Variants in HMCN1 observed in about 807,000 individuals in gnomAD.
The protein encoded by HMCN1 is hemicentin-1.
Under a neutral mutation model 625.9 loss-of-function variants are expected in HMCN1, and 321 were observed. That is an observed-to-expected ratio of 0.51 (90% CI 0.47 to 0.56). HMCN1 has a LOEUF of 0.56. Ranked by LOEUF, HMCN1 falls within the 20% of genes least tolerant of loss-of-function variation. HMCN1 has a pLI of 0.00. For synonymous variants in HMCN1, 2,425 were observed against 2,417.6 expected, an observed-to-expected ratio of 1.00 and a Z score of -0.09; for missense variants, 6,588 against 6,887.3, an observed-to-expected ratio of 0.96 and a Z score of 1.54.
intron 4 of HMCN1, among the ~76,000 whole-genome samples, chr1:185,890,585 G>A (rs1430525021): frequency 7.1e-6 from 1 of 139,934 alleles, no homozygotes; most frequent in African/African-American, 3.1e-5. Flanking sequence ...AGTCATTCAG[G>A]AGCAGGTTGT....
intron 37 of HMCN1, 27 bp from the exon 38 acceptor site, chr1:186,038,802 G>A (rs764292732): frequency 1.4e-5 from 21 of 1,481,450 alleles, no homozygotes; most frequent in Non-Finnish European, 1.9e-5. Flanking sequence ...TTTTTACATA[G>A]ATCATCTTCT....
intron 76 of HMCN1, 79 bp downstream of exon 76, chr1:186,117,194 CTTTTCT>C: frequency 6.4e-7 from 1 of 1,568,078 alleles, no homozygotes; most frequent in African/African-American, 1.4e-5. Flanking sequence ...AAAGGGATCC[CTTTTCT>C]TTTTTTTTTT....
intron 14 of HMCN1, among the ~76,000 whole-genome samples, chr1:185,969,817 C>T (rs191106388): frequency 1.3e-3 from 193 of 152,176 alleles, no homozygotes; most frequent in Non-Finnish European, 7.9e-4. Flanking sequence ...AAAGGAGATG[C>T]CCTGGAGGAG....
chr1:185,996,511 A>G (rs1300645317), intron 24 of HMCN1, among the ~76,000 whole-genome samples: 1 of 152,124 alleles, frequency 6.6e-6, no homozygotes, highest in East Asian at 1.9e-4. Context: ...TGCAATAAGA[A>G]GACTTTAAGA....
intron 77 of HMCN1, 151 bp from the exon 78 acceptor site, chr1:186,119,040 T>C (rs899063045): frequency 4.6e-6 from 3 of 655,080 alleles, no homozygotes; most frequent in Non-Finnish European, 5.5e-6. Flanking sequence ...ATAATTTAAG[T>C]ACTGTGCTAG....
intron 71 of HMCN1, 77 bp downstream of exon 71, chr1:186,108,674 G>A: frequency 6.5e-7 from 1 of 1,548,344 alleles, no homozygotes; most frequent in Non-Finnish European, 8.8e-7. Flanking sequence ...GGCCTTTGCT[G>A]GGTACACAAA....
At chr1:185,930,369 C>T (rs1667481684) in intron 10 of HMCN1, among the ~76,000 whole-genome samples, 1 of 152,100 alleles carries the variant, frequency 6.6e-6, no homozygotes, top group Non-Finnish European at 1.5e-5. Flanking sequence ...CCTTTAAGCT[C>T]CACTCACTTC....
chr1:186,165,228 T>C, intron 98 of HMCN1, 55 bp downstream of exon 98: 1 of 1,414,000 alleles, frequency 7.1e-7, no homozygotes, highest in Non-Finnish European at 1.0e-6. Context: ...CAATATTGGA[T>C]AGCATTTAAT....
intron 104 of HMCN1, among the ~76,000 whole-genome samples, chr1:186,181,007 A>G (rs1317001236): frequency 2.6e-5 from 4 of 152,210 alleles, no homozygotes; most frequent in Non-Finnish European, 5.9e-5. Context: ...GTTTTTGAAG[A>G]AATTGATTCT....
At chr1:186,152,964 T>G in intron 96 of HMCN1, 93 bp downstream of exon 96, 2 of 1,485,870 alleles carry the variant, frequency 1.3e-6, no homozygotes, top group Non-Finnish European at 1.9e-6. Context: ...GTTCACTCTG[T>G]GGGGGAAAAT....
chr1:185,764,925 C>G (rs1655772201), intron 1 of HMCN1, among the ~76,000 whole-genome samples: 1 of 152,126 alleles, frequency 6.6e-6, no homozygotes, highest in South Asian at 2.1e-4. Context: ...CTAAGTGACT[C>G]CTTGCCATTC....
intron 55 of HMCN1, among the ~76,000 whole-genome samples, chr1:186,079,827 A>G (rs747010386): frequency 6.6e-6 from 1 of 152,176 alleles, no homozygotes; most frequent in Non-Finnish European, 1.5e-5. Context: ...CAAAGCAAGA[A>G]AATTAACTGG....
chr1:185,835,891 C>T (rs1182267217), intron 1 of HMCN1, among the ~76,000 whole-genome samples: 2 of 151,972 alleles, frequency 1.3e-5, no homozygotes, highest in Admixed American at 1.3e-4. Context: ...GAAGTCTGAA[C>T]AGTGTTTCAT....
At chr1:186,043,045 G>A (rs1165628210) in intron 40 of HMCN1, among the ~76,000 whole-genome samples, 1 of 152,094 alleles carries the variant, frequency 6.6e-6, no homozygotes, top group Non-Finnish European at 1.5e-5. Flanking sequence ...AGTTTTTAAA[G>A]ATTTGGATTC....
chr1:185,800,559 G>T (rs1658728319), intron 1 of HMCN1, among the ~76,000 whole-genome samples: 1 of 151,900 alleles, frequency 6.6e-6, no homozygotes, highest in Admixed American at 6.6e-5. Context: ...GAAGATTAGT[G>T]ATAAGCACCT....
intron 86 of HMCN1, among the ~76,000 whole-genome samples, chr1:186,132,649 G>C (rs1340948272): frequency 8.0e-6 from 1 of 124,364 alleles, no homozygotes; most frequent in Non-Finnish European, 1.6e-5. Context: ...TGGTGGCAGA[G>C]CTTTTTTTTT....
chr1:185,754,738 C>T (rs1219483195), intron 1 of HMCN1, among the ~76,000 whole-genome samples: 2 of 152,036 alleles, frequency 1.3e-5, no homozygotes, highest in South Asian at 2.1e-4. Flanking sequence ...GTCCCAGCTA[C>T]TTGGGAGGCT....
chr1:185,958,963 A>G (rs1649825184), intron 11 of HMCN1, among the ~76,000 whole-genome samples: 1 of 152,176 alleles, frequency 6.6e-6, no homozygotes, highest in African/African-American at 2.4e-5. Context: ...TTTAGTTCCT[A>G]ATTTTACATA....
intron 30 of HMCN1, among the ~76,000 whole-genome samples, chr1:186,010,730 GTTAA>G (rs959041174): frequency 3.3e-5 from 5 of 152,024 alleles, no homozygotes; most frequent in Non-Finnish European, 7.4e-5. Context: ...GCTTGAATTT[GTTAA>G]TTAATTACCG....
Sources: allele counts gnomAD v4.1 joint callset (sites outside exome capture counted in the v4.1 genomes callset), GRCh38; gene constraint gnomAD v4.1.1; transcripts MANE v1.5; gene names NCBI Gene and HGNC (gene_info 2026-07-23, HGNC 2026-07-21).